AGPAT4: variants seen among roughly 807,000 people sequenced by gnomAD.
AGPAT4 encodes 1-acyl-sn-glycerol-3-phosphate acyltransferase delta.
A neutral mutation model predicts 48.0 loss-of-function variants in AGPAT4; 15 were observed. The observed-to-expected ratio is 0.31, with a 90% CI of 0.21 to 0.48. The LOEUF is 0.48. Ranked by LOEUF, AGPAT4 falls within the 20% of genes least tolerant of loss-of-function variation. The pLI is 0.99. For synonymous variants in AGPAT4, 178 were observed against 198.7 expected (o/e 0.90, Z 0.88); for missense variants, 314 against 482.5 (o/e 0.65, Z 3.27).
chr6:161,153,780 CAGCCCTGAGGTCACACAT>C (rs1385184538), intron 4 of AGPAT4, among the ~76,000 whole-genome samples: 1 of 145,560 alleles, frequency 6.9e-6, no homozygotes, highest in East Asian at 2.0e-4. Context: ...TGGTTACATA[CAGCCCTGAGGTCACACAT>C]AGCCCTGGGG....
At chr6:161,203,393 T>C (rs1363583317) in intron 2 of AGPAT4, among the ~76,000 whole-genome samples, 3 of 147,496 alleles carry the variant, frequency 2.0e-5, no homozygotes, top group Non-Finnish European at 1.5e-5. Context: ...TTTTTTTTTT[T>C]TTTTTTTTTT....
rs112320227 is a variant in AGPAT4, at chr6:161,181,298, C to T, written c.179-14881G>A. Among the ~76,000 whole-genome samples the T allele has an allele frequency of 9.0e-3, 1,373 of 152,236 alleles. 21 individuals carry two copies. The highest frequency in any genetic ancestry group is 0.032 in the African/African-American group (1,317 of 41,518). ...AGGGAGGCGGGCTGCCTGCTGCTCC[C>T]ATCGCCTGCAGGTTCTGTTGTGGTG... is the stretch of plus-strand genomic sequence containing the variant. On this transcript the variant is annotated intron_variant, in intron 2 of 8. Coordinates refer to ENST00000320285, the MANE Select transcript of AGPAT4 (RefSeq NM_020133.3).
At chr6:161,181,546 C>A (rs1212570541) in intron 2 of AGPAT4, among the ~76,000 whole-genome samples, 5 of 150,224 alleles carry the variant, frequency 3.3e-5, no homozygotes, top group African/African-American at 1.2e-4. Context: ...ACTAAGTGAG[C>A]TTGGCTCCTG....
Position 161,130,100 on chromosome 6 carries a change from C to T in AGPAT4, c.*6440G>A, listed in dbSNP as rs1778853711. The T allele has an allele frequency of 6.6e-6, 1 of 152,180 alleles. No homozygotes were observed. The highest frequency in any genetic ancestry group is 2.4e-5 in the African/African-American group (1 of 41,442). The allele number at this position is 152,180 out of a possible 1,614,324, so 9.4% of individuals were successfully genotyped here. Reference sequence around the variant, plus strand: ...CAACAAAAATTTGGAAAGATTGCTACACATGACAGAGCGACAGTACCCTAG... The same window carrying T: ...CAACAAAAATTTGGAAAGATTGCTATACATGACAGAGCGACAGTACCCTAG... On this transcript the variant is annotated 3_prime_UTR_variant, in exon 9 of 9. Coordinates refer to ENST00000320285, the MANE Select transcript of AGPAT4 (RefSeq NM_020133.3).
rs1781131293 is a variant in AGPAT4, at chr6:161,198,534, C to A, written c.179-32117G>T. 6.6e-6 allele frequency among the ~76,000 whole-genome samples: 1 copy of A among 152,238 alleles called. No individual in the cohort carries two copies. ...CGGCCATGACAGTGAGAAAAATAAA[C>A]CAGGTGGCAAACACTACCTTTATGG... On this transcript the variant is annotated intron_variant, in intron 2 of 8. Transcript: ENST00000320285. The surrounding 1 kb of genome is among the most constrained non-coding windows in gnomAD (Gnocchi z 4.3).
In AGPAT4 at chr6:161,141,128, T is replaced by C. The variant is rs538169202; in HGVS notation, c.844-1508A>G. Among the ~76,000 whole-genome samples, 41 of 152,214 alleles carry C rather than the reference T, an allele frequency of 2.7e-4. No individual in the cohort carries two copies. The highest frequency in any genetic ancestry group is 9.2e-4 in the African/African-American group (38 of 41,526). ...GGCCTCTCAGAGGCACTTTTAATAA[T>C]AGTCCACACACTAGGCCATTTTGGA... On this transcript the variant is annotated intron_variant, in intron 7 of 8. Coordinates refer to ENST00000320285, the MANE Select transcript of AGPAT4 (RefSeq NM_020133.3). The surrounding 1 kb of genome is among the most constrained non-coding windows in gnomAD (Gnocchi z 6.7).
chr6:161,169,346 G>A lies in AGPAT4; in HGVS notation c.179-2929C>T, dbSNP rs1052883152. ...GGTGACTACATCAGCACAGCGAGAG[G>A]GGATGGTGCTGGGACCAGGTGGGGG... is the stretch of plus-strand genomic sequence containing the variant. On this transcript the variant is annotated intron_variant, in intron 2 of 8. Transcript: ENST00000320285. The surrounding 1 kb of genome is among the most constrained non-coding windows in gnomAD (Gnocchi z 5.0). 6.6e-6 allele frequency among the ~76,000 whole-genome samples: 1 copy of A among 152,210 alleles called. No homozygotes were observed. The highest frequency in any genetic ancestry group is 1.5e-5 in the Non-Finnish European group (1 of 68,042).
chr6:161,187,074 CTTTGT>C (rs750385141), intron 2 of AGPAT4, among the ~76,000 whole-genome samples: 11 of 152,178 alleles, frequency 7.2e-5, no homozygotes, highest in South Asian at 2.1e-4. Context: ...ACCTTGCTGA[CTTTGT>C]TTTATCTGTA....
intron 3 of AGPAT4, among the ~76,000 whole-genome samples, chr6:161,163,206 G>A (rs778899975): frequency 6.6e-6 from 1 of 152,210 alleles, no homozygotes; most frequent in Non-Finnish European, 1.5e-5. Context: ...TGCCACCTTC[G>A]TGAATTTCTG....
intron 2 of AGPAT4, among the ~76,000 whole-genome samples, chr6:161,211,865 T>C (rs959509190): frequency 4.6e-5 from 7 of 152,144 alleles, no homozygotes; most frequent in African/African-American, 1.7e-4. Flanking sequence ...CTTCAGGTCC[T>C]GTAGAAGATG....
In AGPAT4 at chr6:161,261,107, T is replaced by C. The variant is rs1417447537; in HGVS notation, c.-90+12831A>G. 6.6e-6 allele frequency among the ~76,000 whole-genome samples: 1 copy of C among 152,182 alleles called. No homozygotes were observed. The highest frequency in any genetic ancestry group is 1.5e-5 in the Non-Finnish European group (1 of 68,018). Reference sequence around the variant, plus strand: ...CTCCCCCTTTTCTCCCACTGTTGACTTGCCAAACATGTGTTTATCCTTCCA... The same window carrying C: ...CTCCCCCTTTTCTCCCACTGTTGACCTGCCAAACATGTGTTTATCCTTCCA... On this transcript the variant is annotated intron_variant, in intron 1 of 8. Transcript: ENST00000320285. This position sits in a 1 kb window ranked among gnomAD's most constrained non-coding sequence, Gnocchi z 5.3.
chr6:161,178,523 C>T lies in AGPAT4; in HGVS notation c.179-12106G>A, dbSNP rs1366608998. ...GGGAGTGAACCAATTTTCCAGGTGC[C>T]GTCTGTCACCGCTTCCCTTGGCTAG... On this transcript the variant is annotated intron_variant, in intron 2 of 8. Coordinates refer to ENST00000320285, the MANE Select transcript of AGPAT4 (RefSeq NM_020133.3). The surrounding 1 kb of genome is among the most constrained non-coding windows in gnomAD (Gnocchi z 5.1). Among the ~76,000 whole-genome samples the T allele has an allele frequency of 3.3e-5, 5 of 152,162 alleles. No individual in the cohort carries two copies. Among genetic ancestry groups the T allele is most frequent in the African/African-American group, 1.2e-4 (5 of 41,460 alleles).
In AGPAT4 at chr6:161,177,975, G is replaced by C. The variant is rs945060939; in HGVS notation, c.179-11558C>G. The stretch of plus-strand genomic sequence containing the variant: ...AGGCTGCAGAACAGCAAATATTACA[G>C]AACAGCAAATGTTGCTGCCTGATCC... On this transcript the variant is annotated intron_variant, in intron 2 of 8. Transcript: ENST00000320285. This position sits in a 1 kb window ranked among gnomAD's most constrained non-coding sequence, Gnocchi z 5.0. Among the ~76,000 whole-genome samples, 5 of 152,206 alleles carry C rather than the reference G, an allele frequency of 3.3e-5. No individual in the cohort carries two copies. Among genetic ancestry groups the C allele is most frequent in the African/African-American group, 1.2e-4 (5 of 41,452 alleles).
At chr6:161,191,601 A>G (rs564857620) in intron 2 of AGPAT4, among the ~76,000 whole-genome samples, 4 of 152,346 alleles carry the variant, frequency 2.6e-5, no homozygotes, top group African/African-American at 7.2e-5. Flanking sequence ...AGATGTATAC[A>G]TATTCTTTCT....
rs1349806754 is a variant in AGPAT4 at position 161,261,758 on chromosome 6, T to G, written c.-90+12180A>C. Among the ~76,000 whole-genome samples the G allele has an allele frequency of 1.3e-5, 2 of 152,236 alleles. No individual in the cohort carries two copies. Among genetic ancestry groups the G allele is most frequent in the Non-Finnish European group, 2.9e-5 (2 of 68,048 alleles). On this transcript the variant is annotated intron_variant, in intron 1 of 8. Transcript: ENST00000320285. This position sits in a 1 kb window ranked among gnomAD's most constrained non-coding sequence, Gnocchi z 5.3. Reference sequence around the variant, plus strand: ...TTCCTCCACCTGGTTTTGCCCTCTTTATTCCTTTTCTCTTTCTTTATGAGT... The same window carrying G: ...TTCCTCCACCTGGTTTTGCCCTCTTGATTCCTTTTCTCTTTCTTTATGAGT...
At position 161,264,593 on chromosome 6, in the gene AGPAT4, G is replaced by A. The variant is rs1025844297; in HGVS notation, c.-90+9345C>T. 2.0e-5 allele frequency among the ~76,000 whole-genome samples: 3 copies of A among 152,206 alleles called. No homozygotes were observed. The highest frequency in any genetic ancestry group is 4.4e-5 in the Non-Finnish European group (3 of 68,034). ...GCCCTGCAAGTCTTATCCACTGCGT[G>A]GGAACCCCTCGCTGAGGCTTCCGTC... On this transcript the variant is annotated intron_variant, in intron 1 of 8. Coordinates refer to ENST00000320285, the MANE Select transcript of AGPAT4 (RefSeq NM_020133.3). The surrounding 1 kb of genome is among the most constrained non-coding windows in gnomAD (Gnocchi z 6.8).
At chr6:161,172,807 C>A (rs1231511819) in intron 2 of AGPAT4, among the ~76,000 whole-genome samples, 1 of 151,220 alleles carries the variant, frequency 6.6e-6, no homozygotes, top group Non-Finnish European at 1.5e-5. Context: ...CCCCACCCCA[C>A]AACAGGCCCC....
At position 161,204,616 on chromosome 6, in the gene AGPAT4, A is replaced by G. The variant is rs980571899; in HGVS notation, c.178+27420T>C. ...CTCCCAAATTTTACAAATGTTAATT[A>G]AATCTCAAAAGGCAAACAAAATGTC... is the stretch of plus-strand genomic sequence containing the variant. On this transcript the variant is annotated intron_variant, in intron 2 of 8. Coordinates refer to ENST00000320285, the MANE Select transcript of AGPAT4 (RefSeq NM_020133.3). This position sits in a 1 kb window ranked among gnomAD's most constrained non-coding sequence, Gnocchi z 4.4. Among the ~76,000 whole-genome samples, 1 of 152,142 alleles carries G rather than the reference A, an allele frequency of 6.6e-6. No homozygotes were observed. Among genetic ancestry groups the G allele is most frequent in the Non-Finnish European group, 1.5e-5 (1 of 68,022 alleles).
At position 161,165,930 on chromosome 6, in the gene AGPAT4, T is replaced by G. The variant is rs1364219352; in HGVS notation, c.348+318A>C. 5 of 603,802 alleles carry G rather than the reference T, an allele frequency of 8.3e-6. No homozygotes were observed. The highest frequency in any genetic ancestry group is 2.9e-6 in the Non-Finnish European group (1 of 340,710). 37.4% of individuals were successfully genotyped at this position (603,802 alleles called of 1,614,324 possible). A position where few individuals can be genotyped will look rare whatever the true frequency, so the allele number is the denominator to read the frequency against. On this transcript the variant is annotated intron_variant, in intron 3 of 8. Coordinates refer to ENST00000320285, the MANE Select transcript of AGPAT4 (RefSeq NM_020133.3). This position sits in a 1 kb window ranked among gnomAD's most constrained non-coding sequence, Gnocchi z 5.5. ...CAGCTGTGTGACTCTGAGCCGAATATTAAGCTCTATATAACTTAGTTTTTA... is the reference window on the plus strand; with the variant it reads ...CAGCTGTGTGACTCTGAGCCGAATAGTAAGCTCTATATAACTTAGTTTTTA...
Sources: gnomAD v4.1 joint callset for allele counts (sites outside exome capture counted in the v4.1 genomes callset) on GRCh38, gnomAD v4.1.1 for gene constraint, Gnocchi (gnomAD v3.1) non-coding constraint, MANE v1.5 for transcripts, NCBI Gene and HGNC (gene_info 2026-07-23, HGNC 2026-07-21) for gene names.